The following LPCAT1 variants were observed in gnomAD, a reference collection of about 807,000 sequenced individuals.
The protein encoded by LPCAT1 is lysophosphatidylcholine acyltransferase 1, also known as 1-acylglycerol-3-phosphate O-acyltransferase.
LPCAT1 carries 23 observed loss-of-function variants against 60.9 expected under a neutral mutation model. That is an observed-to-expected ratio of 0.38 (90% CI 0.27 to 0.53). The LOEUF is 0.53. Among genes scored for constraint, LPCAT1 ranks in the 20% least tolerant of loss-of-function variants. LPCAT1 has a pLI of 0.82. For synonymous variants in LPCAT1, 340 were observed against 301.1 expected, an observed-to-expected ratio of 1.13 and a Z score of -1.34; for missense variants, 622 against 723.6, an observed-to-expected ratio of 0.86 and a Z score of 1.61.
At chr5:1,486,465 G>A (rs1319305844) in intron 5 of LPCAT1, among the ~76,000 whole-genome samples, 3 of 152,192 alleles carry the variant, frequency 2.0e-5, no homozygotes, top group Admixed American at 2.0e-4. Context: ...GGAGTCAGCA[G>A]TGGTGCCCAA....
At chr5:1,490,832 T>G (rs1735550263) in intron 3 of LPCAT1, among the ~76,000 whole-genome samples, 1 of 152,134 alleles carries the variant, frequency 6.6e-6, no homozygotes, top group South Asian at 2.1e-4. Flanking sequence ...TATCCCTGAG[T>G]GGAGCTTCCT....
rs773123335 is a variant in LPCAT1 at position 1,466,730 on chromosome 5, C to T, written c.1420+19G>A. ...CCCGCCCAAGGGTCGCGAGGACGAC[C>T]CCACTCCTGCGGGCTCACCGAATGT... On this transcript the variant is annotated intron_variant, in intron 13 of 13. Transcript: ENST00000283415. 6.2e-7 allele frequency: 1 copy of T among 1,602,182 alleles called. No homozygotes were observed. Among genetic ancestry groups the T allele is most frequent in the Non-Finnish European group, 8.5e-7 (1 of 1,172,352 alleles).
At chr5:1,508,338 T>C (rs1272478761) in intron 1 of LPCAT1, among the ~76,000 whole-genome samples, 2 of 152,208 alleles carry the variant, frequency 1.3e-5, no homozygotes, top group Admixed American at 1.3e-4. Context: ...GTTGATGTCC[T>C]GACCCCCAGG....
intron 5 of LPCAT1, among the ~76,000 whole-genome samples, chr5:1,486,375 G>A (rs2126540164): frequency 6.6e-6 from 1 of 152,302 alleles, no homozygotes; most frequent in East Asian, 1.9e-4. Flanking sequence ...CCTGGGCCCA[G>A]GAGGACCCTG....
rs1003493197 is a variant in LPCAT1 at position 1,483,838 on chromosome 5, G to A, written c.668-352C>T. On this transcript the variant is annotated intron_variant, in intron 5 of 13. Coordinates refer to ENST00000283415, the MANE Select transcript of LPCAT1 (RefSeq NM_024830.5). This position sits in a 1 kb window ranked among gnomAD's most constrained non-coding sequence, Gnocchi z 9.2. ...GGGACACTTTCTGCTGTAACATCGC[G>A]CACCAGCTGGAAGGCGTCTGTGGAG... Among the ~76,000 whole-genome samples, 2 of 146,900 alleles carry A rather than the reference G, an allele frequency of 1.4e-5. No individual in the cohort carries two copies. The highest frequency in any genetic ancestry group is 2.6e-5 in the African/African-American group (1 of 38,614).
chr5:1,507,391 G>A (rs755163458), intron 1 of LPCAT1, among the ~76,000 whole-genome samples: 1 of 152,246 alleles, frequency 6.6e-6, no homozygotes, highest in Non-Finnish European at 1.5e-5. Context: ...TCTGAAGTCT[G>A]AGGCTGAGTT....
intron 2 of LPCAT1, among the ~76,000 whole-genome samples, chr5:1,501,159 GAGA>G (rs1735987906): frequency 6.6e-6 from 1 of 152,230 alleles, no homozygotes. Flanking sequence ...TTCTGGAGCA[GAGA>G]AGGCTACGGT....
At chr5:1,504,582 C>T (rs937606029) in intron 1 of LPCAT1, among the ~76,000 whole-genome samples, 3 of 152,174 alleles carry the variant, frequency 2.0e-5, no homozygotes, top group East Asian at 3.8e-4. Flanking sequence ...GGCGTGGTGG[C>T]GCATGCCTGT....
rs556357651 is a variant in LPCAT1 at position 1,517,780 on chromosome 5, A to T, written c.135+5930T>A. 1.8e-4 allele frequency among the ~76,000 whole-genome samples: 27 copies of T among 152,376 alleles called. No homozygotes were observed. The South Asian group carries it at 5.4e-3, about 30-fold the overall frequency. On this transcript the variant is annotated intron_variant, in intron 1 of 13. Transcript: ENST00000283415. ...AAGACTACAGTTCGTCTAGGAACAG[A>T]GGCGACGTGTCAAATTCAAGAGTAA...
chr5:1,508,187 G>T (rs533788301), intron 1 of LPCAT1, among the ~76,000 whole-genome samples: 1 of 152,304 alleles, frequency 6.6e-6, no homozygotes, highest in Non-Finnish European at 1.5e-5. Context: ...CGCCAAGCAG[G>T]GCGGGCACAG....
At position 1,512,411 on chromosome 5, in the gene LPCAT1, C is replaced by T. The variant is rs147585568; in HGVS notation, c.136-10808G>A. 2.8e-3 allele frequency among the ~76,000 whole-genome samples: 426 copies of T among 152,356 alleles called. 3 individuals carry two copies. Among genetic ancestry groups the T allele is most frequent in the Middle Eastern group, 0.014 (4 of 294 alleles). On this transcript the variant is annotated intron_variant, in intron 1 of 13. Coordinates refer to ENST00000283415, the MANE Select transcript of LPCAT1 (RefSeq NM_024830.5). ...ACACTAGAGCCTCCCTCTCACTATC[C>T]CTGAAGCACCCAGTGTCCATGCTTC...
chr5:1,479,855 G>A (rs916090627), intron 7 of LPCAT1, among the ~76,000 whole-genome samples, 180 bp from the exon 8 acceptor site: 2 of 150,374 alleles, frequency 1.3e-5, no homozygotes, highest in Non-Finnish European at 3.0e-5. Context: ...ACGTACAGCC[G>A]TGGGTGGAAA....
chr5:1,491,780 T>C (rs558850004), intron 3 of LPCAT1, among the ~76,000 whole-genome samples: 4 of 152,294 alleles, frequency 2.6e-5, no homozygotes, highest in South Asian at 4.1e-4. Context: ...GGTGCGGATA[T>C]GAAGGTCACT....
intron 2 of LPCAT1, among the ~76,000 whole-genome samples, chr5:1,500,034 A>AGTGTTCC (rs1259471083): frequency 6.6e-6 from 1 of 152,196 alleles, no homozygotes; most frequent in Admixed American, 6.5e-5. Flanking sequence ...CTCTGTCCCA[A>AGTGTTCC]CCACTTGGCC....
intron 3 of LPCAT1, among the ~76,000 whole-genome samples, chr5:1,493,729 G>A (rs1241113695): frequency 2.0e-5 from 3 of 152,242 alleles, no homozygotes; most frequent in Non-Finnish European, 4.4e-5. Context: ...GAGGGGCCAC[G>A]CAGGGCTCCC....
At chr5:1,474,769 AG>A in intron 9 of LPCAT1, 84 bp from the exon 10 acceptor site, 4 of 1,507,706 alleles carry the variant, frequency 2.7e-6, no homozygotes, top group Non-Finnish European at 3.6e-6. Context: ...CCGATGGCTC[AG>A]GGGAGAGGAG....
Position 1,514,919 on chromosome 5 carries a change from A to ACGCCAAT in LPCAT1, c.135+8790_135+8791insATTGGCG, listed in dbSNP as rs565242826. On this transcript the variant is annotated intron_variant, in intron 1 of 13. Transcript: ENST00000283415. ...CCCAGGGAAACGCCAATCTCCCCGGACCTCCCGCCTGGTCTGAGTAAAAAG... is the reference window on the plus strand; with the variant it reads ...CCCAGGGAAACGCCAATCTCCCCGGACGCCAATCCTCCCGCCTGGTCTGAGTAAAAAG... Among the ~76,000 whole-genome samples the ACGCCAAT allele has an allele frequency of 9.9e-5, 15 of 152,012 alleles. No homozygotes were observed. In the South Asian group the frequency reaches 2.1e-3, roughly 21 times the overall value.
chr5:1,489,232 A>G (rs1469932584), intron 4 of LPCAT1, among the ~76,000 whole-genome samples: 3 of 152,232 alleles, frequency 2.0e-5, no homozygotes, highest in Admixed American at 6.5e-5. Context: ...TTCGTGAGCA[A>G]TCAGATCCCA....
In LPCAT1 at chr5:1,483,906, C is replaced by A; in HGVS notation, c.668-420G>T. On this transcript the variant is annotated intron_variant, in intron 5 of 13. Transcript: ENST00000283415. This position sits in a 1 kb window ranked among gnomAD's most constrained non-coding sequence, Gnocchi z 9.2. ...ACATTGCGCACGAGCTGGAAGACAT[C>A]CGTGGAGGGACACTTTCTGCTGTAA... Among the ~76,000 whole-genome samples, 1 of 151,738 alleles carries A rather than the reference C, an allele frequency of 6.6e-6. No homozygotes were observed. The highest frequency in any genetic ancestry group is 1.5e-5 in the Non-Finnish European group (1 of 67,868).
Sources: gnomAD v4.1 joint callset for allele counts (sites outside exome capture counted in the v4.1 genomes callset) on GRCh38, gnomAD v4.1.1 for gene constraint, Gnocchi (gnomAD v3.1) non-coding constraint, MANE v1.5 for transcripts, NCBI Gene and HGNC (gene_info 2026-07-23, HGNC 2026-07-21) for gene names.